Variants in BIRC6 observed in about 807,000 individuals in gnomAD.
The protein encoded by BIRC6 is baculoviral IAP repeat containing 6.
Under a neutral mutation model 503.3 loss-of-function variants are expected in BIRC6, and 98 were observed. That is an observed-to-expected ratio of 0.19 (90% CI 0.17 to 0.23). The LOEUF (loss-of-function observed/expected upper bound fraction) is 0.23. BIRC6 is among the 10% of genes least tolerant of loss of function. The pLI, the probability that BIRC6 is intolerant of heterozygous loss-of-function variation, is 1.00. For missense variants in BIRC6, 5,360 were observed against 5,806.0 expected (o/e 0.92, Z 2.50); for synonymous variants, 2,240 against 2,078.7 (o/e 1.08, Z -2.11).
At chr2:32,373,393 T>C (rs1009736200) in intron 1 of BIRC6, among the ~76,000 whole-genome samples, 2 of 152,204 alleles carry the variant, frequency 1.3e-5, no homozygotes, top group Admixed American at 6.5e-5. Flanking sequence ...GATGGACATA[T>C]AGACTGAAGG....
intron 73 of BIRC6, among the ~76,000 whole-genome samples, chr2:32,612,978 C>T (rs189779858): frequency 6.6e-6 from 1 of 152,226 alleles, no homozygotes; most frequent in East Asian, 1.9e-4. Context: ...CAACCTTATG[C>T]AGTTTGACTT....
At chr2:32,455,580 T>C (rs1340735259) in intron 23 of BIRC6, among the ~76,000 whole-genome samples, 1 of 152,112 alleles carries the variant, frequency 6.6e-6, no homozygotes, top group East Asian at 1.9e-4. Flanking sequence ...TCAGCTGAGA[T>C]TGTGCCGCTG....
intron 36 of BIRC6, 123 bp downstream of exon 36, chr2:32,478,941 G>A (rs747146458): frequency 3.4e-6 from 3 of 886,654 alleles, no homozygotes; most frequent in South Asian, 3.5e-5. Context: ...ATAAAGGTCT[G>A]TTTAATCGGT....
intron 24 of BIRC6, 125 bp from the exon 25 acceptor site, chr2:32,464,384 A>T: frequency 8.2e-7 from 1 of 1,214,358 alleles, no homozygotes; most frequent in Non-Finnish European, 1.1e-6. Context: ...GTTTTGATTT[A>T]ATTTCATCTT....
chr2:32,597,374 T>G (rs187106317), intron 68 of BIRC6, among the ~76,000 whole-genome samples: 1 of 152,346 alleles, frequency 6.6e-6, no homozygotes, highest in East Asian at 1.9e-4. Flanking sequence ...TTTTATCAAG[T>G]AGCCATTGTC....
intron 8 of BIRC6, among the ~76,000 whole-genome samples, chr2:32,404,318 A>G (rs2040944970): frequency 6.6e-6 from 1 of 151,578 alleles, no homozygotes; most frequent in Admixed American, 6.6e-5. Flanking sequence ...TTATTCATAT[A>G]ATTTTTTTTC....
chr2:32,404,907 C>T (rs1047047245), intron 8 of BIRC6, among the ~76,000 whole-genome samples: 1 of 152,088 alleles, frequency 6.6e-6, no homozygotes, highest in Non-Finnish European at 1.5e-5. Flanking sequence ...AGCAGTCCTC[C>T]CTCCTTGTCC....
At chr2:32,456,083 A>G (rs1348067102) in intron 23 of BIRC6, among the ~76,000 whole-genome samples, 1 of 152,212 alleles carries the variant, frequency 6.6e-6, no homozygotes, top group Admixed American at 6.5e-5. Flanking sequence ...AAGAAAGAAC[A>G]TTTCCAGCAC....
chr2:32,571,008 G>T (rs140678364), intron 65 of BIRC6, among the ~76,000 whole-genome samples: 1 of 151,612 alleles, frequency 6.6e-6, no homozygotes, highest in African/African-American at 2.4e-5. Flanking sequence ...AGGTTTTCTT[G>T]CTCTTTTGAC....
In BIRC6 at chr2:32,415,704, G is replaced by A. The variant is rs766804115; in HGVS notation, c.2413G>A (p.Ala805Thr). ...NISVIQHESPADVQTPLIIQP... is the reference protein window; with the variant it reads ...NISVIQHESPTDVQTPLIIQP... ...TAGTGTAATCCAACATGAATCACCA[G>A]CAGATGTACAGACTCCTTTAATAAT... The change falls in exon 10 of 74, where the codon GCA (alanine) becomes ACA (threonine). Residue 805 changes from alanine to threonine, a missense_variant. Ala to Thr is a moderately conservative substitution (Grantham distance 58). Coordinates refer to ENST00000421745, the MANE Select transcript of BIRC6 (RefSeq NM_016252.4). 6.2e-7 allele frequency: 1 copy of A among 1,613,862 alleles called. No homozygotes were observed. Among genetic ancestry groups the A allele is most frequent in the Non-Finnish European group, 8.5e-7 (1 of 1,179,870 alleles).
chr2:32,431,240 G>A (rs1442220964), intron 12 of BIRC6, 150 bp downstream of exon 12: 1 of 467,784 alleles, frequency 2.1e-6, no homozygotes, highest in South Asian at 2.8e-5. Context: ...CTGTCACCCA[G>A]GCTGGAGTGC....
At chr2:32,402,694 G>T (rs930579267) in intron 8 of BIRC6, among the ~76,000 whole-genome samples, 2 of 152,120 alleles carry the variant, frequency 1.3e-5, no homozygotes, top group Non-Finnish European at 2.9e-5. Context: ...TGTTGTCTGA[G>T]TTTCTGACCA....
chr2:32,613,756 C>G (rs1572415564), intron 73 of BIRC6, among the ~76,000 whole-genome samples: 1 of 152,190 alleles, frequency 6.6e-6, no homozygotes, highest in African/African-American at 2.4e-5. Context: ...GTCTTTTGTA[C>G]TATACTTTTC....
intron 49 of BIRC6, 128 bp from the exon 50 acceptor site, chr2:32,504,877 G>A (rs963985397): frequency 7.3e-5 from 59 of 809,370 alleles, no homozygotes; most frequent in Non-Finnish European, 6.1e-5. Flanking sequence ...GATACTAAGT[G>A]CATTACCAGC....
At chr2:32,408,371 A>G (rs1216538759) in intron 9 of BIRC6, among the ~76,000 whole-genome samples, 1 of 152,068 alleles carries the variant, frequency 6.6e-6, no homozygotes, top group Non-Finnish European at 1.5e-5. Flanking sequence ...CAGCCTCCCA[A>G]AGTGCTGGGA....
chr2:32,474,849 T>C (rs560603462), intron 33 of BIRC6, among the ~76,000 whole-genome samples: 1 of 152,316 alleles, frequency 6.6e-6, no homozygotes, highest in African/African-American at 2.4e-5. Context: ...ATGCTAGTTT[T>C]AATTTAGGAT....
intron 24 of BIRC6, among the ~76,000 whole-genome samples, chr2:32,464,211 T>C (rs2048292901): frequency 6.6e-6 from 1 of 152,178 alleles, no homozygotes; most frequent in Non-Finnish European, 1.5e-5. Context: ...TTCAACTCCT[T>C]ATAATATTTT....
chr2:32,578,862 T>C (rs1029033229), intron 66 of BIRC6, among the ~76,000 whole-genome samples: 32 of 151,352 alleles, frequency 2.1e-4, no homozygotes, highest in Non-Finnish European at 1.9e-4. Flanking sequence ...AGAAACATTT[T>C]ACAATATTTC....
At chr2:32,580,350 A>G (rs1374118487) in intron 66 of BIRC6, among the ~76,000 whole-genome samples, 3 of 152,218 alleles carry the variant, frequency 2.0e-5, no homozygotes, top group African/African-American at 7.2e-5. Context: ...CCTAAAGGAT[A>G]CATAGGAATT....
Sources: gnomAD v4.1 joint callset for allele counts (sites outside exome capture counted in the v4.1 genomes callset) on GRCh38, gnomAD v4.1.1 for gene constraint, MANE v1.5 for transcripts, NCBI Gene and HGNC (gene_info 2026-07-23, HGNC 2026-07-21) for gene names.